Variants in CARMIL1 observed in about 807,000 individuals in gnomAD.
CARMIL1 encodes the protein F-actin-uncapping protein LRRC16A.
A neutral mutation model predicts 177.1 loss-of-function variants in CARMIL1; 90 were observed. The ratio of observed to expected loss-of-function variants is 0.51; its 90% CI spans 0.43 to 0.61. The LOEUF (loss-of-function observed/expected upper bound fraction) is 0.61, where lower values mean the gene tolerates loss of function less well. Ranked by LOEUF, CARMIL1 falls within the 20% of genes least tolerant of loss-of-function variation. The pLI, the probability that CARMIL1 is intolerant of heterozygous loss-of-function variation, is 0.00. For synonymous variants in CARMIL1, 577 were observed against 606.2 expected (o/e 0.95, Z 0.71); for missense variants, 1,380 against 1,667.0 (o/e 0.83, Z 3.00).
chr6:25,503,561 G>C (rs1029398573), intron 17 of CARMIL1, among the ~76,000 whole-genome samples: 8 of 152,134 alleles, frequency 5.3e-5, no homozygotes, highest in Non-Finnish European at 7.4e-5. Flanking sequence ...ATATTGTAGA[G>C]TTTATGTAAT....
chr6:25,494,435 A>G (rs1803503282), intron 15 of CARMIL1, among the ~76,000 whole-genome samples: 1 of 152,220 alleles, frequency 6.6e-6, no homozygotes, highest in African/African-American at 2.4e-5. Flanking sequence ...CCCTTATCAT[A>G]TAGTGTTGAT....
intron 2 of CARMIL1, among the ~76,000 whole-genome samples, chr6:25,402,801 G>T (rs1424838797): frequency 6.6e-6 from 1 of 152,126 alleles, no homozygotes; most frequent in South Asian, 2.1e-4. Context: ...TATTCTAGGG[G>T]AACAGAGAAA....
At chr6:25,450,961 C>T (rs1194212197) in intron 8 of CARMIL1, among the ~76,000 whole-genome samples, 245 of 16,570 alleles carry the variant, frequency 0.015, 20 homozygotes, top group African/African-American at 0.019. Context: ...CCTCTCCTCT[C>T]CTCTCTTCTC....
intron 2 of CARMIL1, among the ~76,000 whole-genome samples, chr6:25,338,695 A>G (rs890879525): frequency 2.6e-5 from 4 of 152,168 alleles, no homozygotes; most frequent in South Asian, 2.1e-4. Flanking sequence ...TTTGATTTCA[A>G]TGAAATTCTT....
At chr6:25,544,606 T>TAC (rs3034120) in intron 26 of CARMIL1, among the ~76,000 whole-genome samples, 16,048 of 142,342 alleles carry the variant, frequency 0.11, 894 homozygotes, top group Middle Eastern at 0.18. Context: ...GTTACTAGAC[T>TAC]ACACACACAC....
At chr6:25,451,986 G>GGGGGGGGGGGGGGGGGGCC in intron 8 of CARMIL1, 1 of 112,672 alleles carries the variant, frequency 8.9e-6, no homozygotes, top group Non-Finnish European at 1.7e-5. Flanking sequence ...CTAGCATCTT[G>GGGGGGGGGGGGGGGGGGCC]CCCCCCCCTC....
At position 25,286,039 on chromosome 6, in the gene CARMIL1, TTTTG is replaced by T. The variant is rs202221936; in HGVS notation, c.138+1134_138+1137del. ...GGTGTGAGCCATCATGCCCAGCTAA[TTTTG>T]TTTATTTTTTGTAGAGACAGGGTCT... On this transcript the variant is annotated intron_variant, in intron 2 of 36. Transcript: ENST00000329474. 7.5e-3 allele frequency among the ~76,000 whole-genome samples: 1,126 copies of T among 150,366 alleles called. 12 individuals are homozygous for T. The highest frequency in any genetic ancestry group is 0.024 in the African/African-American group (943 of 39,782).
At chr6:25,379,090 C>T (rs1046124913) in intron 2 of CARMIL1, among the ~76,000 whole-genome samples, 3 of 152,044 alleles carry the variant, frequency 2.0e-5, no homozygotes, top group Admixed American at 6.6e-5. Flanking sequence ...GTCACACATA[C>T]CCATAAGATT....
chr6:25,558,092 T>A lies in CARMIL1; in HGVS notation c.2742+1242T>A, dbSNP rs947600866. On this transcript the variant is annotated intron_variant, in intron 29 of 36. Coordinates refer to ENST00000329474, the MANE Select transcript of CARMIL1 (RefSeq NM_017640.6). This position sits in a 1 kb window ranked among gnomAD's most constrained non-coding sequence, Gnocchi z 4.1. The stretch of plus-strand genomic sequence containing the variant: ...TATTATAACATTTATATTTCATAAG[T>A]ATTTTGAGTTTGTTTGCCTTTTGAG... Among the ~76,000 whole-genome samples, 1 of 152,214 alleles carries A rather than the reference T, an allele frequency of 6.6e-6. No individual in the cohort carries two copies. Among genetic ancestry groups the A allele is most frequent in the Non-Finnish European group, 1.5e-5 (1 of 68,036 alleles).
At chr6:25,370,651 G>C (rs189569445) in intron 2 of CARMIL1, among the ~76,000 whole-genome samples, 1 of 152,284 alleles carries the variant, frequency 6.6e-6, no homozygotes, top group African/African-American at 2.4e-5. Flanking sequence ...CTGCCTCGTA[G>C]CTCTTCCACC....
chr6:25,422,970 A>G (rs1795979501), intron 3 of CARMIL1, among the ~76,000 whole-genome samples: 1 of 152,102 alleles, frequency 6.6e-6, no homozygotes, highest in South Asian at 2.1e-4. Context: ...CTGATTTCTG[A>G]TATTGTCAGC....
At chr6:25,364,572 C>CTTTTTTTTTT (rs199573991) in intron 2 of CARMIL1, among the ~76,000 whole-genome samples, 7 of 150,464 alleles carry the variant, frequency 4.7e-5, no homozygotes, top group Non-Finnish European at 8.9e-5. Context: ...TCTTTTTCTT[C>CTTTTTTTTTT]TTTTTTTTGA....
At position 25,533,056 on chromosome 6, in the gene CARMIL1, A is replaced by G. The variant is rs146411559; in HGVS notation, c.2067+4163A>G. 1.7e-4 allele frequency among the ~76,000 whole-genome samples: 26 copies of G among 152,250 alleles called. No individual in the cohort carries two copies. In the East Asian group the frequency reaches 5.0e-3, roughly 29 times the overall value. ...GAGAAGGAGGGAAAGAGAGAGAGAA[A>G]GAAAGGGTGAGGAGGGGGCTTTACT... On this transcript the variant is annotated intron_variant, in intron 24 of 36. Coordinates refer to ENST00000329474, the MANE Select transcript of CARMIL1 (RefSeq NM_017640.6).
intron 32 of CARMIL1, among the ~76,000 whole-genome samples, chr6:25,597,185 C>G (rs1814940395): frequency 6.6e-6 from 1 of 152,052 alleles, no homozygotes; most frequent in African/African-American, 2.4e-5. Flanking sequence ...TTCATAACAA[C>G]CCACTCTCTC....
chr6:25,596,981 C>T (rs1306892095), intron 32 of CARMIL1, among the ~76,000 whole-genome samples: 1 of 151,980 alleles, frequency 6.6e-6, no homozygotes, highest in South Asian at 2.1e-4. Context: ...TAACAAAATA[C>T]TTATGAGTGG....
intron 2 of CARMIL1, among the ~76,000 whole-genome samples, chr6:25,315,471 C>T (rs1784203371): frequency 6.6e-6 from 1 of 152,252 alleles, no homozygotes; most frequent in South Asian, 2.1e-4. Flanking sequence ...AATGCCCACA[C>T]ATGGCGGCAG....
At chr6:25,428,429 T>G (rs1415847570) in intron 4 of CARMIL1, among the ~76,000 whole-genome samples, 1 of 152,212 alleles carries the variant, frequency 6.6e-6, no homozygotes, top group African/African-American at 2.4e-5. Flanking sequence ...TATTGTGGCT[T>G]GTTTACAACA....
chr6:25,418,739 A>G (rs191337239), intron 2 of CARMIL1, among the ~76,000 whole-genome samples: 33 of 152,226 alleles, frequency 2.2e-4, no homozygotes, highest in Middle Eastern at 6.8e-3. Context: ...GGGCATGCCA[A>G]CTCTAAAATC....
chr6:25,441,337 A>ATATGTGTGTGTGTGTGTGTG, intron 5 of CARMIL1, among the ~76,000 whole-genome samples: 27 of 94,536 alleles, frequency 2.9e-4, no homozygotes, highest in African/African-American at 7.0e-4. Context: ...ATATATATAT[A>ATATGTGTGTGTGTGTGTGTG]TGTGTGTGTG....
Sources: gnomAD v4.1 joint callset for allele counts (sites outside exome capture counted in the v4.1 genomes callset) on GRCh38, gnomAD v4.1.1 for gene constraint, Gnocchi (gnomAD v3.1) non-coding constraint, MANE v1.5 for transcripts, NCBI Gene and HGNC (gene_info 2026-07-23, HGNC 2026-07-21) for gene names.